The following DCTN1 variants were observed in gnomAD, a reference collection of about 807,000 sequenced individuals.
DCTN1 encodes dynactin subunit 1.
In DCTN1, 61 loss-of-function variants were observed where a neutral mutation model predicts 161.2. That is an observed-to-expected ratio of 0.38 (90% CI 0.31 to 0.47). The LOEUF (loss-of-function observed/expected upper bound fraction) is 0.47. DCTN1 is among the 20% of genes least tolerant of loss of function. The pLI, the probability that DCTN1 is intolerant of heterozygous loss-of-function variation, is 0.99. For missense variants in DCTN1, 1,404 were observed against 1,623.7 expected, an observed-to-expected ratio of 0.86 and a Z score of 2.33; for synonymous variants, 653 against 632.4, an observed-to-expected ratio of 1.03 and a Z score of -0.49.
At position 74,379,655 on chromosome 2, in the gene DCTN1, A is replaced by C. The variant is rs58851005; in HGVS notation, c.33+350T>G. Among the ~76,000 whole-genome samples, 552 of 152,310 alleles carry C rather than the reference A, an allele frequency of 3.6e-3. 5 individuals carry two copies. Among genetic ancestry groups the C allele is most frequent in the African/African-American group, 0.012 (512 of 41,546 alleles). On this transcript the variant is annotated intron_variant, in intron 1 of 31. Transcript: ENST00000628224. ...TCTCAGAAGAGAAAGAAAGCAAGTA[A>C]CAAATAACAAAGCAGCTCTTAAGAA...
chr2:74,374,582 G>A (rs1675109509), intron 5 of DCTN1: 1 of 1,309,560 alleles, frequency 7.6e-7, no homozygotes, highest in Non-Finnish European at 9.9e-7. Context: ...GGCCCCCGCA[G>A]ACGTGCAGCT....
intron 30 of DCTN1, 117 bp downstream of exon 30, chr2:74,362,533 T>C: frequency 1.8e-6 from 2 of 1,088,784 alleles, no homozygotes; most frequent in Non-Finnish European, 2.7e-6. Flanking sequence ...CTGCCTTCCC[T>C]TCCATCTCCT....
chr2:74,366,752 T>C, intron 21 of DCTN1, 31 bp downstream of exon 21: 4 of 1,614,262 alleles, frequency 2.5e-6, no homozygotes, highest in Non-Finnish European at 3.4e-6. Flanking sequence ...TCTACTCAGT[T>C]TCCTTCCCTT....
At chr2:74,376,910 T>A in intron 4 of DCTN1, 148 bp from the exon 5 acceptor site, 1 of 751,036 alleles carries the variant, frequency 1.3e-6, no homozygotes, top group South Asian at 1.5e-5. Flanking sequence ...TTCCAGGATG[T>A]TCACACCTTG....
At chr2:74,362,381 C>T (rs920010948) in intron 30 of DCTN1, among the ~76,000 whole-genome samples, 5 of 152,186 alleles carry the variant, frequency 3.3e-5, no homozygotes, top group Admixed American at 6.5e-5. Flanking sequence ...CATGCCCAAC[C>T]GTTCTACCCC....
At chr2:74,379,974 T>G (rs775904712) in intron 1 of DCTN1, 31 bp downstream of exon 1, 1 of 1,612,912 alleles carries the variant, frequency 6.2e-7, no homozygotes, top group South Asian at 1.1e-5. Context: ...CCAGCAGCCC[T>G]CCAGGGCCAT....
At chr2:74,378,355 C>A in intron 1 of DCTN1, 110 bp from the exon 2 acceptor site, 1 of 1,416,826 alleles carries the variant, frequency 7.1e-7, no homozygotes, top group Admixed American at 1.9e-5. Flanking sequence ...CAACCAGAGT[C>A]ATTTTCTTAA....
intron 7 of DCTN1, among the ~76,000 whole-genome samples, chr2:74,372,373 G>A (rs967798138): frequency 1.3e-5 from 2 of 152,180 alleles, no homozygotes; most frequent in Non-Finnish European, 2.9e-5. Context: ...CATCTCCCCC[G>A]ATCTGGCAAC....
At position 74,368,089 on chromosome 2, in the gene DCTN1, T is replaced by C; in HGVS notation, c.1897A>G (p.Ser633Gly). 1 of 1,606,234 alleles carries C rather than the reference T, an allele frequency of 6.2e-7. No homozygotes were observed. Among genetic ancestry groups the C allele is most frequent in the Non-Finnish European group, 8.5e-7 (1 of 1,176,126 alleles). The change falls in exon 17 of 32, where the codon AGT becomes GGT. Residue 633 changes from serine (S) to glycine (G), a missense_variant. By Grantham distance (56) the Ser-to-Gly change is moderately conservative (BLOSUM62 0). Coordinates refer to ENST00000628224, the MANE Select transcript of DCTN1 (RefSeq NM_004082.5). ...CCAGGCCGCTCTGAACAGTTCTCACTTAGTTCAAACTTCTCCTGGGCCTGC... is the reference window on the plus strand; with the variant it reads ...CCAGGCCGCTCTGAACAGTTCTCACCTAGTTCAAACTTCTCCTGGGCCTGC... Reference protein sequence around the residue: ...RKQAQEKFELSENCSERPGLR... With the variant: ...RKQAQEKFELGENCSERPGLR...
intron 5 of DCTN1, among the ~76,000 whole-genome samples, chr2:74,375,909 G>C (rs1675194217): frequency 6.6e-6 from 1 of 152,188 alleles, no homozygotes; most frequent in African/African-American, 2.4e-5. Context: ...TGCAATGTCA[G>C]AATGGCCTGA....
In DCTN1 at chr2:74,367,042, C is replaced by T. The variant is rs2104418654; in HGVS notation, c.2316+3G>A. The T allele has an allele frequency of 1.2e-6, 2 of 1,614,204 alleles. No homozygotes were observed. The highest frequency in any genetic ancestry group is 1.7e-6 in the Non-Finnish European group (2 of 1,180,046). ...GCTCACACAGATCTAGATGTGTTCT[C>T]ACCTGCAAGAAGGCACGCAGCCGTC... On this transcript the variant is annotated splice_donor_region_variant and intron_variant, in intron 20 of 31. Coordinates refer to ENST00000628224, the MANE Select transcript of DCTN1 (RefSeq NM_004082.5).
intron 24 of DCTN1, 61 bp from the exon 25 acceptor site, chr2:74,365,718 G>A (rs1397933946): frequency 1.2e-6 from 2 of 1,613,268 alleles, no homozygotes; most frequent in Admixed American, 1.7e-5. Flanking sequence ...GGAAACTGGG[G>A]GCTAGACCAT....
At chr2:74,377,900 G>T in intron 2 of DCTN1, 100 bp downstream of exon 2, 1 of 1,550,710 alleles carries the variant, frequency 6.4e-7, no homozygotes, top group South Asian at 1.1e-5. Flanking sequence ...CCAACCAGAG[G>T]CTTATGCCCA....
chr2:74,374,397 A>G (rs1675093511), intron 5 of DCTN1, 57 bp from the exon 6 acceptor site: 2 of 1,611,078 alleles, frequency 1.2e-6, no homozygotes, highest in African/African-American at 1.3e-5. Context: ...GGAGGGACAG[A>G]GGAGGATAGA....
At chr2:74,381,368 T>C (rs1573183220), upstream of DCTN1, among the ~76,000 whole-genome samples, 1 of 152,176 alleles carries the variant, frequency 6.6e-6, no homozygotes, top group African/African-American at 2.4e-5. Context: ...GAACAGTGAC[T>C]TTACCCCGCT....
intron 5 of DCTN1, among the ~76,000 whole-genome samples, chr2:74,376,132 T>A (rs1297263686): frequency 6.6e-6 from 1 of 152,032 alleles, no homozygotes; most frequent in East Asian, 1.9e-4. Flanking sequence ...CAATGATGGT[T>A]GATGAAAGGC....
intron 7 of DCTN1, chr2:74,371,933 G>C (rs1354372014): frequency 1.7e-6 from 1 of 578,022 alleles, no homozygotes; most frequent in East Asian, 2.9e-5. Context: ...AGTGACAAAG[G>C]ACAGGGGGAG....
upstream of DCTN1, among the ~76,000 whole-genome samples, chr2:74,380,904 G>C (rs949154183): frequency 6.6e-6 from 1 of 152,184 alleles, no homozygotes; most frequent in African/African-American, 2.4e-5. Context: ...AAGAGTATCA[G>C]ACTCAACTGG....
rs748051196 is a variant in DCTN1 at position 74,374,287 on chromosome 2, G to C, written c.432+36C>G. On this transcript the variant is annotated intron_variant, in intron 6 of 31. Coordinates refer to ENST00000628224, the MANE Select transcript of DCTN1 (RefSeq NM_004082.5). ...GCAGCCTGCTGCCACCATTGCCCTG[G>C]CAACCCAGCAGCAGGACGAGAGCAA... is the stretch of plus-strand genomic sequence containing the variant. 2.5e-6 allele frequency: 4 copies of C among 1,608,846 alleles called. No individual in the cohort carries two copies. In the South Asian group the frequency reaches 4.4e-5, roughly 18 times the overall value.
Sources: allele counts gnomAD v4.1 joint callset (sites outside exome capture counted in the v4.1 genomes callset), GRCh38; gene constraint gnomAD v4.1.1; transcripts MANE v1.5; gene names NCBI Gene and HGNC (gene_info 2026-07-23, HGNC 2026-07-21).